ATP6V1B1: variants seen among roughly 807,000 people sequenced by gnomAD.
The protein encoded by ATP6V1B1 is V-type proton ATPase subunit B, kidney isoform.
Under a neutral mutation model 62.1 loss-of-function variants are expected in ATP6V1B1, and 41 were observed. The ratio of observed to expected loss-of-function variants is 0.66; its 90% CI spans 0.51 to 0.86. The LOEUF (loss-of-function observed/expected upper bound fraction) is 0.86. Among genes scored for constraint, ATP6V1B1 ranks in the 40% least tolerant of loss-of-function variants. The pLI is 0.00. For missense variants in ATP6V1B1, 651 were observed against 697.5 expected (o/e 0.93, Z 0.75); for synonymous variants, 253 against 273.4 (o/e 0.93, Z 0.74).
intron 4 of ATP6V1B1, 62 bp downstream of exon 4, chr2:70,958,488 G>T: frequency 6.7e-7 from 1 of 1,492,286 alleles, no homozygotes; most frequent in South Asian, 1.1e-5. Flanking sequence ...CAGCTTCTCT[G>T]ACCAAACCCT....
chr2:70,960,905 A>AG lies in ATP6V1B1; in HGVS notation c.586-16_586-15insG. The AG allele has an allele frequency of 6.3e-7, 1 of 1,594,530 alleles. No homozygotes were observed. Among genetic ancestry groups the AG allele is most frequent in the Non-Finnish European group, 8.5e-7 (1 of 1,169,626 alleles). On this transcript the variant is annotated splice_polypyrimidine_tract_variant and intron_variant, in intron 6 of 13. Coordinates refer to ENST00000234396, the MANE Select transcript of ATP6V1B1 (RefSeq NM_001692.4). ...TCCGACTCTGACGTCCTCCTGCCCA[A>AG]TCCACTCTGCCCTAGATTGCCGCTC...
In ATP6V1B1 at chr2:70,965,253, C is replaced by T; in HGVS notation, c.*132C>T. ...TCCGCTGGCTCCGAGGTGGTGGGGGCGCCGCACGCTCCATCCCTTTCCCTC... is the reference window on the plus strand; with the variant it reads ...TCCGCTGGCTCCGAGGTGGTGGGGGTGCCGCACGCTCCATCCCTTTCCCTC... On this transcript the variant is annotated 3_prime_UTR_variant, in exon 14 of 14. Coordinates refer to ENST00000234396, the MANE Select transcript of ATP6V1B1 (RefSeq NM_001692.4). 1.6e-6 allele frequency: 2 copies of T among 1,282,954 alleles called. No homozygotes were observed. Among genetic ancestry groups the T allele is most frequent in the South Asian group, 1.3e-5 (1 of 75,730 alleles). The allele number at this position is 1,282,954 out of a possible 1,614,324, so 79.5% of individuals were successfully genotyped here.
intron 12 of ATP6V1B1, 47 bp from the exon 13 acceptor site, chr2:70,964,689 C>A (rs782376324): frequency 6.8e-6 from 11 of 1,612,842 alleles, no homozygotes; most frequent in Non-Finnish European, 8.5e-6. Context: ...CTACTGGACT[C>A]CCGTGGTAAG....
At chr2:70,943,563 G>A (rs1680063783) in intron 1 of ATP6V1B1, 95 bp from the exon 2 acceptor site, 3 of 1,286,546 alleles carry the variant, frequency 2.3e-6, no homozygotes, top group Non-Finnish European at 2.2e-6. Flanking sequence ...AAGGAGGTGG[G>A]GTGTGGAGAG....
In ATP6V1B1 at chr2:70,936,058, C is replaced by A. The variant is rs1015896794; in HGVS notation, c.104C>A (p.Thr35Asn). 7 of 1,613,860 alleles carry A rather than the reference C, an allele frequency of 4.3e-6. No individual in the cohort carries two copies. The highest frequency in any genetic ancestry group is 2.7e-5 in the African/African-American group (2 of 74,912). ...CAGGCGGTCACCCGAAACTACATCA[C>A]CCACCCCCGTGTCAGTGAGTAGCCC... The part of the protein sequence containing the change: ...HMQAVTRNYI[T>N]HPRVTYRTVC... The change falls in exon 1 of 14, where the codon ACC (threonine) becomes AAC (asparagine). Residue 35 changes from threonine to asparagine, a missense_variant. Thr to Asn is a moderately conservative substitution (Grantham distance 65). Coordinates refer to ENST00000234396, the MANE Select transcript of ATP6V1B1 (RefSeq NM_001692.4).
At chr2:70,962,279 T>C (rs1444587793) in intron 8 of ATP6V1B1, among the ~76,000 whole-genome samples, 2 of 152,014 alleles carry the variant, frequency 1.3e-5, no homozygotes, top group African/African-American at 2.4e-5. Flanking sequence ...GCACATTAGG[T>C]GTGCTTTGAG....
rs1181671512 is a variant in ATP6V1B1 at position 70,962,761 on chromosome 2, C to T, written c.786-16C>T. 6.2e-7 allele frequency: 1 copy of T among 1,613,212 alleles called. No individual in the cohort carries two copies. The highest frequency in any genetic ancestry group is 1.1e-5 in the South Asian group (1 of 90,914). On this transcript the variant is annotated splice_polypyrimidine_tract_variant and intron_variant, in intron 8 of 13. Transcript: ENST00000234396. ...CCAGGCCTCCAGGCTCTCTAAACACCTGGCTACACCTCCAGGATCGAGCGG... is the reference window on the plus strand; with the variant it reads ...CCAGGCCTCCAGGCTCTCTAAACACTTGGCTACACCTCCAGGATCGAGCGG...
rs1553420681 is a variant in ATP6V1B1 at position 70,964,458 on chromosome 2, G to T, written c.1164G>T (p.Val388=). 1 of 1,614,064 alleles carries T rather than the reference G, an allele frequency of 6.2e-7. No homozygotes were observed. Among genetic ancestry groups the T allele is most frequent in the Admixed American group, 1.7e-5 (1 of 60,006 alleles). ...HNRQIYPPIN[V]LPSLSRLMKS... ...CTCAGATCTACCCCCCCATCAACGTGCTCCCTTCCCTGTCGCGGCTGATGA... is the reference window on the plus strand; with the variant it reads ...CTCAGATCTACCCCCCCATCAACGTTCTCCCTTCCCTGTCGCGGCTGATGA... Residue 388 remains valine (V), a synonymous_variant, in exon 12 of 14, where the codon GTG becomes GTT. Transcript: ENST00000234396.
intron 4 of ATP6V1B1, 58 bp downstream of exon 4, chr2:70,958,484 C>G: frequency 6.6e-7 from 1 of 1,518,152 alleles, no homozygotes; most frequent in Non-Finnish European, 9.1e-7. Context: ...AGCCCAGCTT[C>G]TCTGACCAAA....
intron 7 of ATP6V1B1, among the ~76,000 whole-genome samples, 175 bp from the exon 8 acceptor site, chr2:70,961,421 C>T (rs1229249242): frequency 6.6e-6 from 1 of 152,232 alleles, no homozygotes; most frequent in Non-Finnish European, 1.5e-5. Context: ...ACTGGGGCAG[C>T]AAACCCAGTG....
At chr2:70,961,166 C>G in intron 7 of ATP6V1B1, 144 bp downstream of exon 7, 1 of 835,578 alleles carries the variant, frequency 1.2e-6, no homozygotes, top group South Asian at 1.4e-5. Flanking sequence ...GCAGTGACCA[C>G]GGCCATGTGT....
intron 8 of ATP6V1B1, chr2:70,961,909 T>C: frequency 1.7e-6 from 1 of 603,460 alleles, no homozygotes. Flanking sequence ...GTCTGCTGCC[T>C]GTGCCCTCTG....
At chr2:70,952,453 ACT>A (rs1265815330) in intron 2 of ATP6V1B1, among the ~76,000 whole-genome samples, 3 of 148,836 alleles carry the variant, frequency 2.0e-5, no homozygotes, top group Admixed American at 6.7e-5. Context: ...ACAGAGTAAG[ACT>A]CTGTCTCAAA....
intron 11 of ATP6V1B1, 61 bp from the exon 12 acceptor site, chr2:70,964,377 G>C: frequency 1.3e-6 from 2 of 1,552,692 alleles, no homozygotes; most frequent in Middle Eastern, 1.7e-4. Context: ...GAACAATTTG[G>C]GGACAGGGGG....
rs782039692 is a variant in ATP6V1B1, at chr2:70,959,064, G to A, written c.414G>A (p.Val138=). Residue 138 remains valine (V), a synonymous_variant, in exon 5 of 14, where the codon GTG becomes GTA. Coordinates refer to ENST00000234396, the MANE Select transcript of ATP6V1B1 (RefSeq NM_001692.4). The surrounding 1 kb of genome is among the most constrained non-coding windows in gnomAD (Gnocchi z 4.2). ...GCAAGCCCATTGACAAGGGGCCAGT[G>A]GTCATGGCGGAGGACTTTCTGGATA... The part of the protein sequence containing the change: ...GSGKPIDKGP[V]VMAEDFLDIN... 81 of 1,614,048 alleles carry A rather than the reference G, an allele frequency of 5.0e-5. 2 individuals are homozygous for A. The South Asian group carries it at 7.4e-4, about 15-fold the overall frequency.
At chr2:70,955,645 G>T (rs542137934) in intron 2 of ATP6V1B1, among the ~76,000 whole-genome samples, 1 of 152,008 alleles carries the variant, frequency 6.6e-6, no homozygotes, top group Admixed American at 6.6e-5. Context: ...TCATGTTGCG[G>T]CATCTATCAG....
chr2:70,938,294 C>G (rs781884273), intron 1 of ATP6V1B1, among the ~76,000 whole-genome samples: 1 of 151,986 alleles, frequency 6.6e-6, no homozygotes, highest in African/African-American at 2.4e-5. Context: ...TGTGGACAGG[C>G]GCAGGGCTGG....
intron 1 of ATP6V1B1, chr2:70,941,822 G>GT: frequency 1.0e-6 from 1 of 985,926 alleles, no homozygotes; most frequent in Non-Finnish European, 1.2e-6. Context: ...AGCGAGGAGT[G>GT]TGAGTCTTCA....
Position 70,936,087 on chromosome 2 carries a change from C to T in ATP6V1B1, c.118+15C>T. ...CCCCCGTGTCAGTGAGTAGCCCCTC[C>T]ACCGTGACGGGTGAGGTCAGGGTGG... On this transcript the variant is annotated intron_variant, in intron 1 of 13. Coordinates refer to ENST00000234396, the MANE Select transcript of ATP6V1B1 (RefSeq NM_001692.4). The T allele has an allele frequency of 6.2e-7, 1 of 1,612,446 alleles. No homozygotes were observed. The highest frequency in any genetic ancestry group is 8.5e-7 in the Non-Finnish European group (1 of 1,178,548).
Sources: allele counts gnomAD v4.1 joint callset (sites outside exome capture counted in the v4.1 genomes callset), GRCh38; gene constraint gnomAD v4.1.1; non-coding constraint Gnocchi (gnomAD v3.1); transcripts MANE v1.5; gene names NCBI Gene and HGNC (gene_info 2026-07-23, HGNC 2026-07-21).